The following AKAP9 variants were observed in gnomAD, a reference collection of about 807,000 sequenced individuals.
The protein encoded by AKAP9 is A-kinase anchor protein 9.
AKAP9 carries 311 observed loss-of-function variants against 488.5 expected under a neutral mutation model. The ratio of observed to expected loss-of-function variants is 0.64; its 90% CI spans 0.58 to 0.70. The LOEUF (loss-of-function observed/expected upper bound fraction) is 0.70, where lower values mean the gene tolerates loss of function less well. AKAP9 is among the 30% of genes least tolerant of loss of function. The probability of loss-of-function intolerance (pLI) is 0.00; values close to 1 mark genes in which losing one functional copy is unlikely to be tolerated. For missense variants in AKAP9, 4,215 were observed against 4,374.5 expected (o/e 0.96, Z 1.03); for synonymous variants, 1,462 against 1,483.5 (o/e 0.99, Z 0.33).
Position 91,956,013 on chromosome 7 carries a change from G to A in AKAP9, c.48+14866G>A, listed in dbSNP as rs1348161472. ...CCTCATTTTCCATAAGAACATTTTA[G>A]TAGTGTTTCCTCATCAATAAACACA... On this transcript the variant is annotated intron_variant, in intron 1 of 49. Transcript: ENST00000356239. Among the ~76,000 whole-genome samples, 3 of 152,068 alleles carry A rather than the reference G, an allele frequency of 2.0e-5. No individual in the cohort carries two copies. In the South Asian group the frequency reaches 6.2e-4, roughly 32 times the overall value.
Position 92,042,669 on chromosome 7 carries a change from A to G in AKAP9, c.5060A>G (p.Asn1687Ser). The change falls in exon 20 of 50, where the codon AAT (asparagine) becomes AGT (serine). Residue 1687 changes from asparagine (N) to serine (S), a missense_variant and splice_region_variant. Asn to Ser is a conservative substitution (Grantham distance 46, BLOSUM62 1). This residue lies in a region of AKAP9 where 2,361 missense variants were observed against 2,430.0 expected (regional missense o/e 0.97). Coordinates refer to ENST00000356239, the MANE Select transcript of AKAP9 (RefSeq NM_005751.5). ...CTTCCTTTACACAAACTTAAACAGA[A>G]TGGAAATGAAAACCAAGGAGAAGTT... Reference protein sequence around the residue: ...ELRNSSTQTQNGNENQGEVEE... With the variant: ...ELRNSSTQTQSGNENQGEVEE... 1 of 1,604,298 alleles carries G rather than the reference A, an allele frequency of 6.2e-7. No homozygotes were observed. The highest frequency in any genetic ancestry group is 8.5e-7 in the Non-Finnish European group (1 of 1,172,316).
intron 8 of AKAP9, among the ~76,000 whole-genome samples, chr7:92,011,057 C>T (rs1329505034): frequency 1.3e-5 from 2 of 152,168 alleles, no homozygotes; most frequent in South Asian, 4.2e-4. Flanking sequence ...AATTTCTTAA[C>T]CGCAGTAATT....
At position 91,965,357 on chromosome 7, in the gene AKAP9, T is replaced by C. The variant is rs1356286148; in HGVS notation, c.49-8354T>C. 2.6e-5 allele frequency among the ~76,000 whole-genome samples: 4 copies of C among 152,354 alleles called. No homozygotes were observed. In the East Asian group the frequency reaches 7.7e-4, roughly 29 times the overall value. On this transcript the variant is annotated intron_variant, in intron 1 of 49. Coordinates refer to ENST00000356239, the MANE Select transcript of AKAP9 (RefSeq NM_005751.5). ...CCATTTGTGTCCATGGTGCTGCGAA[T>C]GACAATTTGTTCTTTTTTTATGGCT... is the stretch of plus-strand genomic sequence containing the variant.
At position 92,022,305 on chromosome 7, in the gene AKAP9, C is replaced by T. The variant is rs749500301; in HGVS notation, c.3905C>T (p.Thr1302Ile). Residue 1302 changes from threonine to isoleucine, a missense_variant, in exon 13 of 50, where the codon ACA becomes ATA. This residue lies in a region of AKAP9 where 2,361 missense variants were observed against 2,430.0 expected (regional missense o/e 0.97). Transcript: ENST00000356239. Reference sequence around the variant, plus strand: ...GAAGAAAACCTTCCAAAAGAGGAAACAGAGTTTTTATCAATCCATTCTCAG... The same window carrying T: ...GAAGAAAACCTTCCAAAAGAGGAAATAGAGTTTTTATCAATCCATTCTCAG... ...FGEENLPKEE[T>I]EFLSIHSQMT... 1 of 1,613,596 alleles carries T rather than the reference C, an allele frequency of 6.2e-7. No individual in the cohort carries two copies. The highest frequency in any genetic ancestry group is 2.2e-5 in the East Asian group (1 of 44,772).
At chr7:92,035,365 T>C (rs1213631264) in intron 16 of AKAP9, among the ~76,000 whole-genome samples, 1 of 152,194 alleles carries the variant, frequency 6.6e-6, no homozygotes, top group Non-Finnish European at 1.5e-5. Flanking sequence ...GCCCAAAATA[T>C]GGTCTTTTCT....
chr7:91,946,313 G>C (rs534855152), intron 1 of AKAP9, among the ~76,000 whole-genome samples: 9 of 152,146 alleles, frequency 5.9e-5, no homozygotes, highest in African/African-American at 1.9e-4. Flanking sequence ...CCGAGTAGAT[G>C]CAGCAGTTTG....
At chr7:92,054,305 C>T (rs989187644) in intron 22 of AKAP9, among the ~76,000 whole-genome samples, 6 of 151,968 alleles carry the variant, frequency 3.9e-5, no homozygotes, top group Admixed American at 3.9e-4. Flanking sequence ...TTCAATGTGT[C>T]ATTATTTGGT....
chr7:92,077,975 C>T, intron 30 of AKAP9, 100 bp downstream of exon 30: 1 of 771,518 alleles, frequency 1.3e-6, no homozygotes, highest in Non-Finnish European at 1.9e-6. Context: ...AAAAACAAAC[C>T]AATTTTATTT....
At chr7:92,015,615 C>T (rs924754995) in intron 10 of AKAP9, among the ~76,000 whole-genome samples, 1 of 152,056 alleles carries the variant, frequency 6.6e-6, no homozygotes, top group African/African-American at 2.4e-5. Context: ...CCACCTTCCT[C>T]GACCTCCCAA....
rs151021935 is a variant in AKAP9 at position 92,052,726 on chromosome 7, T to G, written c.5369T>G (p.Val1790Gly). The stretch of plus-strand genomic sequence containing the variant: ...TGCCTTTAAAACACTGTTATTCTAG[T>G]TACAGATGAATCCATTCCCTCTTAT... ...KSCVHEEHTR[V>G]TDESIPSYSG... The change falls in exon 22 of 50, where the codon GTT becomes GGT. Residue 1790 changes from valine to glycine, a missense_variant and splice_region_variant. This residue lies in a region of AKAP9 where 2,361 missense variants were observed against 2,430.0 expected (regional missense o/e 0.97). Coordinates refer to ENST00000356239, the MANE Select transcript of AKAP9 (RefSeq NM_005751.5). 7.4e-4 allele frequency: 1,188 copies of G among 1,600,608 alleles called. 19 individuals are homozygous for G. The Middle Eastern group carries it at 0.028, about 38-fold the overall frequency.
chr7:92,095,624 G>C (rs973122951), intron 40 of AKAP9, among the ~76,000 whole-genome samples: 1 of 152,138 alleles, frequency 6.6e-6, no homozygotes, highest in Admixed American at 6.5e-5. Flanking sequence ...TCAGCTCAAG[G>C]CAGGCTGCTT....
intron 17 of AKAP9, among the ~76,000 whole-genome samples, 174 bp downstream of exon 17, chr7:92,038,946 G>T (rs996705409): frequency 2.0e-5 from 3 of 152,020 alleles, no homozygotes; most frequent in African/African-American, 7.2e-5. Flanking sequence ...TCACTCTGTC[G>T]CCAGGGTGGA....
chr7:92,024,151 C>T (rs1199431959), intron 14 of AKAP9, among the ~76,000 whole-genome samples: 1 of 151,368 alleles, frequency 6.6e-6, no homozygotes, highest in East Asian at 1.9e-4. Flanking sequence ...GTGGCTCATG[C>T]CTGTAATTCC....
intron 17 of AKAP9, among the ~76,000 whole-genome samples, chr7:92,039,127 A>G (rs1805645574): frequency 6.6e-6 from 1 of 152,084 alleles, no homozygotes; most frequent in Non-Finnish European, 1.5e-5. Flanking sequence ...GATGGTCTCG[A>G]TCTCTTGACC....
chr7:92,101,159 T>A, intron 45 of AKAP9, 103 bp downstream of exon 45: 1 of 1,148,368 alleles, frequency 8.7e-7, no homozygotes, highest in Non-Finnish European at 1.2e-6. Context: ...ATTTAGGGCC[T>A]GGCACAGTGG....
intron 31 of AKAP9, 95 bp downstream of exon 31, chr7:92,080,247 AT>A: frequency 1.0e-6 from 1 of 971,764 alleles, no homozygotes; most frequent in Non-Finnish European, 1.5e-6. Flanking sequence ...ACATCTAACA[AT>A]TTATACAAGA....
At chr7:92,068,388 GAAAA>G (rs1261681486) in intron 26 of AKAP9, among the ~76,000 whole-genome samples, 3 of 133,344 alleles carry the variant, frequency 2.2e-5, no homozygotes, top group Admixed American at 1.5e-4. Flanking sequence ...AAAAAAAAAA[GAAAA>G]AAGTTATCCA....
intron 3 of AKAP9, among the ~76,000 whole-genome samples, chr7:91,985,277 A>G (rs1584712197): frequency 6.6e-6 from 1 of 152,192 alleles, no homozygotes; most frequent in African/African-American, 2.4e-5. Flanking sequence ...TATTATTTTG[A>G]GATACCTCCC....
At chr7:91,942,455 G>T (rs1790887989) in intron 1 of AKAP9, among the ~76,000 whole-genome samples, 1 of 152,168 alleles carries the variant, frequency 6.6e-6, no homozygotes. Context: ...AGGGGAATCA[G>T]GGTATCTTTA....
Sources: gnomAD v4.1 joint callset for allele counts (sites outside exome capture counted in the v4.1 genomes callset) on GRCh38, gnomAD v4.1.1 for gene constraint, gnomAD v4.1.1 regional missense constraint, MANE v1.5 for transcripts, NCBI Gene and HGNC (gene_info 2026-07-23, HGNC 2026-07-21) for gene names.